The following STAG1 variants were observed in gnomAD, a reference collection of about 807,000 sequenced individuals.
The protein encoded by STAG1 is STAG1 cohesin complex component.
In STAG1, 26 loss-of-function variants were observed where a neutral mutation model predicts 170.9. That is an observed-to-expected ratio of 0.15 (90% CI 0.11 to 0.21). The LOEUF (loss-of-function observed/expected upper bound fraction) is 0.21, where lower values mean the gene tolerates loss of function less well. Among genes scored for constraint, STAG1 ranks in the 10% least tolerant of loss-of-function variants. The probability of loss-of-function intolerance (pLI) is 1.00; values close to 1 mark genes in which losing one functional copy is unlikely to be tolerated. For missense variants in STAG1, 964 were observed against 1,509.5 expected (o/e 0.64, Z 5.99); for synonymous variants, 514 against 497.7 (o/e 1.03, Z -0.44).
intron 22 of STAG1, among the ~76,000 whole-genome samples, chr3:136,390,218 T>C (rs1360252706): frequency 6.6e-6 from 1 of 152,118 alleles, no homozygotes; most frequent in East Asian, 1.9e-4. Context: ...AAACACAACA[T>C]GGTACTCTTA....
chr3:136,750,476 T>C (rs958825269), intron 1 of STAG1, among the ~76,000 whole-genome samples: 17 of 152,248 alleles, frequency 1.1e-4, no homozygotes, highest in African/African-American at 4.1e-4. Context: ...ACAGTCATTT[T>C]ATTAGTCTCT....
At chr3:136,474,139 A>G (rs1015020204) in intron 10 of STAG1, among the ~76,000 whole-genome samples, 3 of 152,192 alleles carry the variant, frequency 2.0e-5, no homozygotes, top group African/African-American at 7.2e-5. Context: ...TGATACATGA[A>G]GAGTCCTGGG....
intron 1 of STAG1, chr3:136,736,943 C>G: frequency 1.9e-6 from 3 of 1,595,944 alleles, no homozygotes; most frequent in South Asian, 1.1e-5. Context: ...GCTTTGTCCA[C>G]AGCCTCAAAA....
intron 7 of STAG1, among the ~76,000 whole-genome samples, chr3:136,515,315 A>G (rs1358779992): frequency 6.6e-6 from 1 of 152,204 alleles, no homozygotes; most frequent in African/African-American, 2.4e-5. Flanking sequence ...CAGGGAGCCA[A>G]GATTGTGCCA....
chr3:136,577,259 T>TC (rs1937499585), intron 4 of STAG1, among the ~76,000 whole-genome samples: 1 of 152,196 alleles, frequency 6.6e-6, no homozygotes, highest in African/African-American at 2.4e-5. Context: ...CCAGAGAACT[T>TC]CCATGAAGAA....
chr3:136,435,745 C>T (rs532048867), intron 15 of STAG1, among the ~76,000 whole-genome samples: 3 of 152,118 alleles, frequency 2.0e-5, no homozygotes, highest in South Asian at 4.1e-4. Flanking sequence ...TCTTGGCTCA[C>T]TGCAACCTCT....
intron 1 of STAG1, among the ~76,000 whole-genome samples, chr3:136,663,347 T>C (rs1941642947): frequency 6.6e-6 from 1 of 152,204 alleles, no homozygotes; most frequent in Non-Finnish European, 1.5e-5. Flanking sequence ...TTACTATTCC[T>C]ACTTTAGAAT....
At chr3:136,504,727 C>T (rs1933668588) in intron 7 of STAG1, among the ~76,000 whole-genome samples, 1 of 152,122 alleles carries the variant, frequency 6.6e-6, no homozygotes, top group Admixed American at 6.6e-5. Flanking sequence ...AGCTGAAAAG[C>T]ATTAAAATTA....
At chr3:136,608,797 CAAA>C (rs34993713) in intron 3 of STAG1, among the ~76,000 whole-genome samples, 18 of 79,178 alleles carry the variant, frequency 2.3e-4, no homozygotes, top group Admixed American at 3.1e-4. Flanking sequence ...GACCCTATCT[CAAA>C]AAAAAAAAAA....
intron 1 of STAG1, among the ~76,000 whole-genome samples, chr3:136,701,129 G>A (rs1288663668): frequency 3.3e-5 from 5 of 151,226 alleles, no homozygotes; most frequent in African/African-American, 7.3e-5. Flanking sequence ...TGATCCACCC[G>A]CCTCGGCCTC....
chr3:136,595,588 A>G (rs1458181824), intron 4 of STAG1, among the ~76,000 whole-genome samples: 2 of 151,978 alleles, frequency 1.3e-5, no homozygotes, highest in Non-Finnish European at 2.9e-5. Flanking sequence ...GAGGCAGAAG[A>G]ATGGCATGAA....
chr3:136,390,649 C>T (rs560179251), intron 22 of STAG1, among the ~76,000 whole-genome samples: 13 of 152,320 alleles, frequency 8.5e-5, no homozygotes, highest in African/African-American at 2.4e-4. Context: ...TGCTTACATG[C>T]GACTAAAAAT....
chr3:136,418,342 T>C (rs1051829067), intron 20 of STAG1, among the ~76,000 whole-genome samples: 1 of 95,230 alleles, frequency 1.1e-5, no homozygotes, highest in Non-Finnish European at 1.8e-5. Flanking sequence ...CCTGGGTAAC[T>C]GAGCAAGACT....
intron 6 of STAG1, among the ~76,000 whole-genome samples, chr3:136,530,162 G>A (rs1460293030): frequency 6.6e-6 from 1 of 152,120 alleles, no homozygotes; most frequent in Non-Finnish European, 1.5e-5. Flanking sequence ...ATGATAAAGA[G>A]ATTAATTCAA....
At chr3:136,465,933 A>T (rs1383919796) in intron 12 of STAG1, among the ~76,000 whole-genome samples, 1 of 152,152 alleles carries the variant, frequency 6.6e-6, no homozygotes, top group South Asian at 2.1e-4. Flanking sequence ...CATCCCAGCT[A>T]CTTGTGAGGC....
intron 14 of STAG1, among the ~76,000 whole-genome samples, chr3:136,445,780 G>T (rs1196288794): frequency 6.6e-6 from 1 of 151,918 alleles, no homozygotes. Flanking sequence ...CTTTAATTCT[G>T]GTTTATCTTG....
intron 9 of STAG1, among the ~76,000 whole-genome samples, chr3:136,485,100 C>T (rs1294717256): frequency 2.6e-5 from 4 of 152,182 alleles, no homozygotes; most frequent in East Asian, 1.9e-4. Flanking sequence ...TTGGCTCCTC[C>T]CTCCTATTAT....
At chr3:136,737,870 C>A (rs1265011721) in intron 1 of STAG1, among the ~76,000 whole-genome samples, 1 of 151,462 alleles carries the variant, frequency 6.6e-6, no homozygotes, top group Non-Finnish European at 1.5e-5. Context: ...GGGTTCAAGA[C>A]CAGCCTGACT....
At chr3:136,723,008 G>A (rs998139211) in intron 1 of STAG1, among the ~76,000 whole-genome samples, 16 of 152,240 alleles carry the variant, frequency 1.1e-4, no homozygotes, top group Admixed American at 2.6e-4. Flanking sequence ...ATGGTGCCCA[G>A]GCTGGAGTGC....
Sources: gnomAD v4.1 joint callset for allele counts (sites outside exome capture counted in the v4.1 genomes callset) on GRCh38, gnomAD v4.1.1 for gene constraint, MANE v1.5 for transcripts, NCBI Gene and HGNC (gene_info 2026-07-23, HGNC 2026-07-21) for gene names.